SLCO3A1: variants seen among roughly 807,000 people sequenced by gnomAD.
The protein encoded by SLCO3A1 is PGE1 transporter.
Under a neutral mutation model 63.1 loss-of-function variants are expected in SLCO3A1, and 27 were observed. That is an observed-to-expected ratio of 0.43 (90% confidence interval 0.32 to 0.59). SLCO3A1 has a LOEUF of 0.59. SLCO3A1 is among the 20% of genes least tolerant of loss of function. SLCO3A1 has a pLI of 0.09. For synonymous variants in SLCO3A1, 473 were observed against 409.9 expected (o/e 1.15, Z -1.86); for missense variants, 773 against 945.8 (o/e 0.82, Z 2.40).
In SLCO3A1 at chr15:91,875,974, A is replaced by T. The variant is rs897453695; in HGVS notation, c.180+21886A>T. On this transcript the variant is annotated intron_variant, in intron 1 of 9. Coordinates refer to ENST00000318445, the MANE Select transcript of SLCO3A1 (RefSeq NM_013272.4). This position sits in a 1 kb window ranked among gnomAD's most constrained non-coding sequence, Gnocchi z 4.5. Reference sequence around the variant, plus strand: ...TACCCCTGCTCTAGAATCTTAAAGAATTCTTAGAGTTGTGGTCTCAGATCT... The same window carrying T: ...TACCCCTGCTCTAGAATCTTAAAGATTTCTTAGAGTTGTGGTCTCAGATCT... 6.6e-6 allele frequency among the ~76,000 whole-genome samples: 1 copy of T among 152,140 alleles called. No individual in the cohort carries two copies. The highest frequency in any genetic ancestry group is 2.4e-5 in the African/African-American group (1 of 41,440).
intron 2 of SLCO3A1, among the ~76,000 whole-genome samples, chr15:92,037,553 C>G (rs1160551630): frequency 6.6e-6 from 1 of 152,284 alleles, no homozygotes; most frequent in Non-Finnish European, 1.5e-5. Context: ...CAGCCTTAAC[C>G]TCCACCCCCA....
At chr15:91,908,697 C>T in intron 1 of SLCO3A1, 1 of 150,806 alleles carries the variant, frequency 6.6e-6, no homozygotes, top group East Asian at 1.9e-4. Context: ...TACAGGAAGA[C>T]ATGTCCTTGG....
chr15:91,971,560 T>C lies in SLCO3A1; in HGVS notation c.646+55102T>C, dbSNP rs58835622. On this transcript the variant is annotated intron_variant, in intron 2 of 9. Transcript: ENST00000318445. ...CCAAGCACAGTGCTGAAGAGCTGTC[T>C]AGTGTTCCTAAGCACAGGACACCTG... 1.9e-3 allele frequency among the ~76,000 whole-genome samples: 291 copies of C among 152,162 alleles called. 8 individuals carry two copies. The East Asian group carries it at 0.051, about 27-fold the overall frequency.
rs1899666339 is a variant in SLCO3A1 at position 91,942,741 on chromosome 15, GAA to G, written c.646+26286_646+26287del. Among the ~76,000 whole-genome samples, 1 of 152,144 alleles carries G rather than the reference GAA, an allele frequency of 6.6e-6. No homozygotes were observed. Among genetic ancestry groups the G allele is most frequent in the African/African-American group, 2.4e-5 (1 of 41,440 alleles). Reference sequence around the variant, plus strand: ...GCACCACCACGCCCGGCTAATTTTTGAAAAGAGATGGGGTTTCTCCATGTTGG... The same window carrying G: ...GCACCACCACGCCCGGCTAATTTTTGAAGAGATGGGGTTTCTCCATGTTGG... On this transcript the variant is annotated intron_variant, in intron 2 of 9. Transcript: ENST00000318445. This position sits in a 1 kb window ranked among gnomAD's most constrained non-coding sequence, Gnocchi z 4.1.
chr15:92,150,843 C>T, intron 8 of SLCO3A1, 107 bp from the exon 9 acceptor site: 1 of 679,780 alleles, frequency 1.5e-6, no homozygotes, highest in East Asian at 2.7e-5. Context: ...TAGTAATTTT[C>T]TAAAGAAGAG....
At chr15:91,976,173 G>A (rs1198397560) in intron 2 of SLCO3A1, among the ~76,000 whole-genome samples, 1 of 152,094 alleles carries the variant, frequency 6.6e-6, no homozygotes, top group East Asian at 1.9e-4. Context: ...TTGTGATGAG[G>A]GTCCCAAACT....
Position 91,969,447 on chromosome 15 carries a change from A to C in SLCO3A1, c.646+52989A>C, listed in dbSNP as rs1020321420. Reference sequence around the variant, plus strand: ...CAGTCTCCCAAATAGCTTGGGTTACAGGTACGTGCCACCATGCCTGGCTAA... The same window carrying C: ...CAGTCTCCCAAATAGCTTGGGTTACCGGTACGTGCCACCATGCCTGGCTAA... On this transcript the variant is annotated intron_variant, in intron 2 of 9. Transcript: ENST00000318445. Among the ~76,000 whole-genome samples, 3 of 152,076 alleles carry C rather than the reference A, an allele frequency of 2.0e-5. No individual in the cohort carries two copies. The East Asian group carries it at 5.8e-4, about 29-fold the overall frequency.
chr15:92,074,267 G>A (rs2047250188), intron 2 of SLCO3A1, among the ~76,000 whole-genome samples: 3 of 152,156 alleles, frequency 2.0e-5, no homozygotes, highest in Non-Finnish European at 4.4e-5. Flanking sequence ...AGGCCCAGTT[G>A]CTGCCTGCCC....
chr15:92,053,692 G>GTTTTTTTTTTTTTT (rs1491517930), intron 2 of SLCO3A1, among the ~76,000 whole-genome samples: 1 of 28,934 alleles, frequency 3.5e-5, no homozygotes, highest in African/African-American at 7.0e-5. Context: ...TTGTTTGTTT[G>GTTTTTTTTTTTTTT]TTTGTTTTTT....
intron 1 of SLCO3A1, among the ~76,000 whole-genome samples, chr15:91,907,331 G>A (rs767197952): frequency 5.9e-5 from 9 of 151,876 alleles, no homozygotes; most frequent in Non-Finnish European, 1.0e-4. Context: ...TCAGCCTCCC[G>A]AGTAGCTGGG....
At chr15:92,070,705 C>T (rs1034021125) in intron 2 of SLCO3A1, among the ~76,000 whole-genome samples, 5 of 149,812 alleles carry the variant, frequency 3.3e-5, no homozygotes, top group African/African-American at 1.2e-4. Context: ...TTTGCTTTAA[C>T]ATAAGGATGG....
At chr15:92,058,918 C>T (rs2047053592) in intron 2 of SLCO3A1, among the ~76,000 whole-genome samples, 1 of 152,328 alleles carries the variant, frequency 6.6e-6, no homozygotes, top group East Asian at 1.9e-4. Context: ...GTGTCTTTCT[C>T]TCCTTTCTCT....
chr15:92,028,214 G>T (rs2046599930), intron 2 of SLCO3A1, among the ~76,000 whole-genome samples: 1 of 152,110 alleles, frequency 6.6e-6, no homozygotes, highest in Non-Finnish European at 1.5e-5. Flanking sequence ...TACCAGAATG[G>T]CTGGGGGCCT....
At chr15:92,025,261 TCAAGAAGC>T (rs1286903228) in intron 2 of SLCO3A1, among the ~76,000 whole-genome samples, 5 of 152,008 alleles carry the variant, frequency 3.3e-5, no homozygotes, top group African/African-American at 1.2e-4. Flanking sequence ...ATTTTTAAAT[TCAAGAAGC>T]CAAGAAGCAC....
rs1172742773 is a variant in SLCO3A1 at position 91,883,302 on chromosome 15, C to T, written c.180+29214C>T. ...TGAAGAGAGAAACTTGGCACCGGGACCCTAGAATCCCCTCTTTCTGGTTTG... is the reference window on the plus strand; with the variant it reads ...TGAAGAGAGAAACTTGGCACCGGGATCCTAGAATCCCCTCTTTCTGGTTTG... On this transcript the variant is annotated intron_variant, in intron 1 of 9. Transcript: ENST00000318445. This position sits in a 1 kb window ranked among gnomAD's most constrained non-coding sequence, Gnocchi z 4.8. Among the ~76,000 whole-genome samples, 1 of 152,146 alleles carries T rather than the reference C, an allele frequency of 6.6e-6. No homozygotes were observed. The highest frequency in any genetic ancestry group is 1.5e-5 in the Non-Finnish European group (1 of 68,034).
intron 3 of SLCO3A1, among the ~76,000 whole-genome samples, chr15:92,097,159 G>A (rs933933452): frequency 3.3e-5 from 5 of 152,158 alleles, no homozygotes; most frequent in African/African-American, 7.2e-5. Flanking sequence ...AAAAGCCTGC[G>A]AATGACCAGA....
chr15:92,127,061 G>A (rs2047933012), intron 6 of SLCO3A1, among the ~76,000 whole-genome samples: 2 of 152,232 alleles, frequency 1.3e-5, no homozygotes, highest in Non-Finnish European at 2.9e-5. Context: ...ACCCACAAGG[G>A]TGAGCAGGCA....
At chr15:92,013,512 C>T (rs1349891096) in intron 2 of SLCO3A1, among the ~76,000 whole-genome samples, 2 of 152,136 alleles carry the variant, frequency 1.3e-5, no homozygotes, top group African/African-American at 4.8e-5. Context: ...CTGATGTGCC[C>T]GAGGAGCACA....
At position 91,875,800 on chromosome 15, in the gene SLCO3A1, C is replaced by T. The variant is rs533356369; in HGVS notation, c.180+21712C>T. On this transcript the variant is annotated intron_variant, in intron 1 of 9. Transcript: ENST00000318445. The surrounding 1 kb of genome is among the most constrained non-coding windows in gnomAD (Gnocchi z 4.5). ...TGGGCCAAACCTGGCCTGCTCTCTA[C>T]TTTTGTAAGTCAACTTTTATTGGAA... Among the ~76,000 whole-genome samples the T allele has an allele frequency of 5.9e-5, 9 of 152,346 alleles. No individual in the cohort carries two copies. The highest frequency in any genetic ancestry group is 1.7e-4 in the African/African-American group (7 of 41,578).
Sources: gnomAD v4.1 joint callset for allele counts (sites outside exome capture counted in the v4.1 genomes callset) on GRCh38, gnomAD v4.1.1 for gene constraint, Gnocchi (gnomAD v3.1) non-coding constraint, MANE v1.5 for transcripts, NCBI Gene and HGNC (gene_info 2026-07-23, HGNC 2026-07-21) for gene names.